Variants in HSF2BP observed in about 807,000 individuals in gnomAD.
The protein encoded by HSF2BP is heat shock factor 2-binding protein.
In HSF2BP, 35 loss-of-function variants were observed where a neutral mutation model predicts 35.0. That is an observed-to-expected ratio of 1.00 (90% confidence interval 0.76 to 1.32). HSF2BP has a LOEUF of 1.32. Ranked by LOEUF, HSF2BP falls within the 40% of genes most tolerant of loss-of-function variation. The pLI, the probability that HSF2BP is intolerant of heterozygous loss-of-function variation, is 0.00. For missense variants in HSF2BP, 326 were observed against 321.7 expected (o/e 1.01, Z -0.10); for synonymous variants, 114 against 117.4 (o/e 0.97, Z 0.18).
chr21:43,656,775 C>A, intron 2 of HSF2BP, 38 bp from the exon 3 acceptor site: 2 of 1,566,480 alleles, frequency 1.3e-6, no homozygotes, highest in Admixed American at 1.9e-5. Context: ...TTTCTCTTCA[C>A]ATGAGAAAAA....
At chr21:43,581,303 G>A (rs933466211) in intron 8 of HSF2BP, among the ~76,000 whole-genome samples, 10 of 151,854 alleles carry the variant, frequency 6.6e-5, no homozygotes, top group South Asian at 2.1e-4. Flanking sequence ...GAAGAATGGC[G>A]TGAACCTGGG....
At chr21:43,611,109 G>A (rs1046866373) in intron 7 of HSF2BP, among the ~76,000 whole-genome samples, 2 of 152,090 alleles carry the variant, frequency 1.3e-5, no homozygotes, top group Non-Finnish European at 2.9e-5. Flanking sequence ...AGCCAGGCAT[G>A]GTGGCATGCA....
At chr21:43,651,641 A>G (rs903741548) in intron 3 of HSF2BP, among the ~76,000 whole-genome samples, 1 of 152,172 alleles carries the variant, frequency 6.6e-6, no homozygotes, top group African/African-American at 2.4e-5. Flanking sequence ...TGTCTTCCAT[A>G]AACTGTTCAT....
chr21:43,632,084 C>CCA (rs1277528365), intron 5 of HSF2BP, among the ~76,000 whole-genome samples: 16 of 30,788 alleles, frequency 5.2e-4, no homozygotes, highest in Non-Finnish European at 9.7e-4. Context: ...ACACACGCTC[C>CCA]CACACACACA....
chr21:43,636,572 G>T (rs7275705), intron 4 of HSF2BP, among the ~76,000 whole-genome samples: 3 of 152,056 alleles, frequency 2.0e-5, no homozygotes, highest in Non-Finnish European at 2.9e-5. Flanking sequence ...AATTAAAAAT[G>T]GGCAAAAGAT....
At chr21:43,599,110 G>C (rs1601643039) in intron 7 of HSF2BP, among the ~76,000 whole-genome samples, 1 of 152,230 alleles carries the variant, frequency 6.6e-6, no homozygotes, top group East Asian at 1.9e-4. Context: ...CTTCTGAAAA[G>C]ATGGCCAGTT....
At chr21:43,594,808 C>T (rs547597423) in intron 7 of HSF2BP, among the ~76,000 whole-genome samples, 5 of 152,112 alleles carry the variant, frequency 3.3e-5, no homozygotes, top group African/African-American at 1.2e-4. Context: ...AAAAGAAAAA[C>T]AAAATATGAC....
chr21:43,581,948 T>C (rs1193706906), intron 8 of HSF2BP, among the ~76,000 whole-genome samples: 268 of 52,916 alleles, frequency 5.1e-3, no homozygotes, highest in African/African-American at 9.5e-3. Flanking sequence ...GGGATGAGGG[T>C]CTGCTGTGGG....
At chr21:43,601,388 C>G (rs745742153) in intron 7 of HSF2BP, among the ~76,000 whole-genome samples, 3 of 152,176 alleles carry the variant, frequency 2.0e-5, no homozygotes, top group Non-Finnish European at 4.4e-5. Flanking sequence ...CTATGGAGAG[C>G]AAGAATCTTT....
In HSF2BP at chr21:43,659,067, G is replaced by A. The variant is rs1221038072; in HGVS notation, c.-225+319C>T. On this transcript the variant is annotated intron_variant, in intron 1 of 8. Transcript: ENST00000291560. The surrounding 1 kb of genome is among the most constrained non-coding windows in gnomAD (Gnocchi z 4.2). ...AATCCCAGCGATCAGGGAGGCCGCC[G>A]CGGGAGGATTGCTTGAGCCCAGGAG... is the stretch of plus-strand genomic sequence containing the variant. Among the ~76,000 whole-genome samples, 1 of 152,204 alleles carries A rather than the reference G, an allele frequency of 6.6e-6. No individual in the cohort carries two copies. Among genetic ancestry groups the A allele is most frequent in the Non-Finnish European group, 1.5e-5 (1 of 68,036 alleles).
intron 6 of HSF2BP, among the ~76,000 whole-genome samples, chr21:43,619,024 G>T (rs1182425891): frequency 6.6e-6 from 1 of 151,968 alleles, no homozygotes; most frequent in African/African-American, 2.4e-5. Flanking sequence ...CTGTCACCTG[G>T]GCTGGAGTGC....
chr21:43,643,247 A>G (rs1454990718), intron 4 of HSF2BP, among the ~76,000 whole-genome samples: 1 of 152,126 alleles, frequency 6.6e-6, no homozygotes, highest in African/African-American at 2.4e-5. Flanking sequence ...ATGTCCAACT[A>G]TAAGATATTA....
At chr21:43,657,984 G>A (rs2838342) in intron 2 of HSF2BP, 77 bp downstream of exon 2, 879,138 of 1,528,884 alleles carry the variant, frequency 0.58, 256,031 homozygotes, top group East Asian at 0.78. Context: ...GTCTCCGAGC[G>A]CACGGGGCGA....
intron 6 of HSF2BP, among the ~76,000 whole-genome samples, chr21:43,627,525 C>T (rs1373349239): frequency 1.1e-4 from 16 of 152,288 alleles, no homozygotes; most frequent in African/African-American, 3.8e-4. Flanking sequence ...TGATACTTAT[C>T]AGAATCACCT....
At chr21:43,577,544 C>T (rs1012553809) in intron 8 of HSF2BP, among the ~76,000 whole-genome samples, 1 of 152,208 alleles carries the variant, frequency 6.6e-6, no homozygotes, top group Non-Finnish European at 1.5e-5. Flanking sequence ...AACTGTAAGG[C>T]TGGCATTCGG....
At chr21:43,614,775 A>G (rs1313332053) in intron 6 of HSF2BP, among the ~76,000 whole-genome samples, 1 of 152,228 alleles carries the variant, frequency 6.6e-6, no homozygotes, top group African/African-American at 2.4e-5. Flanking sequence ...GGTATAATGC[A>G]AGTATTCCAA....
chr21:43,591,317 A>G (rs550345114), intron 8 of HSF2BP, among the ~76,000 whole-genome samples: 12 of 152,326 alleles, frequency 7.9e-5, no homozygotes, highest in African/African-American at 2.9e-4. Flanking sequence ...GTGTCTTTCC[A>G]ATTTCTTTTT....
chr21:43,601,459 C>T (rs564512694), intron 7 of HSF2BP, among the ~76,000 whole-genome samples: 2 of 152,184 alleles, frequency 1.3e-5, no homozygotes, highest in Admixed American at 6.5e-5. Flanking sequence ...TTTTCTTTTG[C>T]CTATTTGTGT....
At chr21:43,584,592 A>G (rs2081821014) in intron 8 of HSF2BP, among the ~76,000 whole-genome samples, 1 of 152,178 alleles carries the variant, frequency 6.6e-6, no homozygotes. Flanking sequence ...TCATGGTCCA[A>G]TCAAGTTGAT....
Sources: allele counts gnomAD v4.1 joint callset (sites outside exome capture counted in the v4.1 genomes callset), GRCh38; gene constraint gnomAD v4.1.1; non-coding constraint Gnocchi (gnomAD v3.1); transcripts MANE v1.5; gene names NCBI Gene and HGNC (gene_info 2026-07-23, HGNC 2026-07-21).